Variants in BCAT1 observed in about 807,000 individuals in gnomAD.
The protein encoded by BCAT1 is branched chain amino acid transaminase 1, also known as branched-chain-amino-acid aminotransferase, cytosolic.
Under a neutral mutation model 52.4 loss-of-function variants are expected in BCAT1, and 48 were observed. That is an observed-to-expected ratio of 0.92 (90% CI 0.73 to 1.16). The LOEUF is 1.16. Among genes scored for constraint, BCAT1 ranks in the 50% most tolerant of loss-of-function variants. The pLI, the probability that BCAT1 is intolerant of heterozygous loss-of-function variation, is 0.00. For missense variants in BCAT1, 451 were observed against 457.1 expected, an observed-to-expected ratio of 0.99 and a Z score of 0.12; for synonymous variants, 167 against 161.3, an observed-to-expected ratio of 1.04 and a Z score of -0.27.
intron 3 of BCAT1, among the ~76,000 whole-genome samples, chr12:24,884,739 A>G (rs955467063): frequency 2.0e-5 from 3 of 152,240 alleles, no homozygotes; most frequent in Non-Finnish European, 2.9e-5. Context: ...CTAATACAAC[A>G]TGACTAAGTT....
chr12:24,853,992 TAA>T (rs1202463127), intron 5 of BCAT1, among the ~76,000 whole-genome samples: 2 of 152,176 alleles, frequency 1.3e-5, no homozygotes, highest in African/African-American at 4.8e-5. Context: ...TTTAAAAAAA[TAA>T]AGACTTTTTT....
intron 3 of BCAT1, among the ~76,000 whole-genome samples, chr12:24,885,439 G>C (rs1249697888): frequency 6.6e-6 from 1 of 152,044 alleles, no homozygotes; most frequent in African/African-American, 2.4e-5. Flanking sequence ...ATATTATAAA[G>C]ATGTTGATTT....
intron 2 of BCAT1, among the ~76,000 whole-genome samples, chr12:24,897,302 G>T (rs1029079458): frequency 2.0e-5 from 3 of 152,194 alleles, no homozygotes; most frequent in African/African-American, 4.8e-5. Context: ...AATCCAGAGA[G>T]ATCAAATTAG....
At chr12:24,858,993 T>C (rs1307823720) in intron 5 of BCAT1, among the ~76,000 whole-genome samples, 1 of 152,178 alleles carries the variant, frequency 6.6e-6, no homozygotes, top group South Asian at 2.1e-4. Flanking sequence ...AAATAGAACA[T>C]TGGAATAAAA....
intron 7 of BCAT1, among the ~76,000 whole-genome samples, chr12:24,840,575 C>T (rs967296964): frequency 1.2e-4 from 19 of 152,132 alleles, no homozygotes; most frequent in Admixed American, 1.0e-3. Flanking sequence ...TTTCATATGC[C>T]AAGGACTACC....
In BCAT1 at chr12:24,815,569, A is replaced by C. The variant is rs1939846484; in HGVS notation, c.*2439T>G. Reference sequence around the variant, plus strand: ...AATTAAACAAATAGTGCACAAGGAAAAAAGATGTGCAGATGTTCCTGTTAA... The same window carrying C: ...AATTAAACAAATAGTGCACAAGGAACAAAGATGTGCAGATGTTCCTGTTAA... On this transcript the variant is annotated 3_prime_UTR_variant, in exon 11 of 11. Coordinates refer to ENST00000261192, the MANE Select transcript of BCAT1 (RefSeq NM_005504.7). 6.6e-6 allele frequency: 1 copy of C among 152,506 alleles called. No individual in the cohort carries two copies. Among genetic ancestry groups the C allele is most frequent in the African/African-American group, 2.4e-5 (1 of 41,440 alleles). 9.4% of individuals were successfully genotyped at this position (152,506 alleles called of 1,614,324 possible). A position where few individuals can be genotyped will look rare whatever the true frequency, so the allele number is the denominator to read the frequency against.
intron 5 of BCAT1, among the ~76,000 whole-genome samples, chr12:24,869,733 C>T (rs1239434675): frequency 6.6e-6 from 1 of 152,118 alleles, no homozygotes; most frequent in Non-Finnish European, 1.5e-5. Context: ...TAACCTCCAA[C>T]GTGGTTGACT....
chr12:24,847,723 C>T (rs1267410311), intron 6 of BCAT1, among the ~76,000 whole-genome samples: 1 of 152,188 alleles, frequency 6.6e-6, no homozygotes, highest in Admixed American at 6.5e-5. Flanking sequence ...TAGCTCAGTG[C>T]TTCTCAAGCT....
At chr12:24,922,159 G>A (rs1943507802) in intron 1 of BCAT1, among the ~76,000 whole-genome samples, 1 of 152,146 alleles carries the variant, frequency 6.6e-6, no homozygotes, top group Admixed American at 6.5e-5. Context: ...ACACAAGATT[G>A]TTCCTTTTTT....
intron 4 of BCAT1, 87 bp from the exon 5 acceptor site, chr12:24,878,736 TA>T (rs1379379232): frequency 8.1e-7 from 1 of 1,236,076 alleles, no homozygotes; most frequent in Non-Finnish European, 1.1e-6. Context: ...TTTAAACTGT[TA>T]AAAAATTAAT....
intron 5 of BCAT1, among the ~76,000 whole-genome samples, chr12:24,863,560 T>A (rs1471528761): frequency 2.0e-5 from 3 of 152,216 alleles, no homozygotes; most frequent in Non-Finnish European, 4.4e-5. Context: ...GATTTTAGAA[T>A]GAATTATTTA....
At chr12:24,879,584 A>G (rs1162233095) in intron 4 of BCAT1, among the ~76,000 whole-genome samples, 1 of 152,196 alleles carries the variant, frequency 6.6e-6, no homozygotes, top group Non-Finnish European at 1.5e-5. Context: ...ATAATGTAGT[A>G]ATGTTATAGA....
chr12:24,891,351 G>A (rs1234667959), intron 3 of BCAT1, among the ~76,000 whole-genome samples: 1 of 152,082 alleles, frequency 6.6e-6, no homozygotes, highest in Non-Finnish European at 1.5e-5. Context: ...AGCATGCTAA[G>A]AGACACTCCC....
At chr12:24,887,994 C>G (rs1281362747) in intron 3 of BCAT1, among the ~76,000 whole-genome samples, 2 of 152,148 alleles carry the variant, frequency 1.3e-5, no homozygotes, top group Non-Finnish European at 2.9e-5. Context: ...GATATTACTC[C>G]TATTTAATTT....
At position 24,829,792 on chromosome 12, in the gene BCAT1, G is replaced by GAAAGA. The variant is rs3830305; in HGVS notation, c.1119+26_1119+30dup. On this transcript the variant is annotated intron_variant, in intron 10 of 10. Coordinates refer to ENST00000261192, the MANE Select transcript of BCAT1 (RefSeq NM_005504.7). ...TGACATAAAAAAAAGAAAAGAAAAG[G>GAAAGA]AAAGAAAAGAAAAGAAAAGAAAAGC... 5.7e-3 allele frequency: 8,300 copies of GAAAGA among 1,467,758 alleles called. 38 individuals carry two copies. Among genetic ancestry groups the GAAAGA allele is most frequent in the Middle Eastern group, 7.7e-3 (44 of 5,680 alleles). The allele number at this position is 1,467,758 out of a possible 1,614,324, so 90.9% of individuals were successfully genotyped here. A position where few individuals can be genotyped will look rare whatever the true frequency, so the allele number is the denominator to read the frequency against.
intron 5 of BCAT1, among the ~76,000 whole-genome samples, chr12:24,850,843 G>A (rs917103577): frequency 6.6e-6 from 1 of 152,170 alleles, no homozygotes; most frequent in Non-Finnish European, 1.5e-5. Context: ...CCCGAATTGA[G>A]AATGGTTCTT....
chr12:24,819,734 C>A (rs921711151), intron 10 of BCAT1, among the ~76,000 whole-genome samples: 1 of 152,142 alleles, frequency 6.6e-6, no homozygotes, highest in African/African-American at 2.4e-5. Flanking sequence ...AAAATACTGG[C>A]AGCCAAGAAT....
intron 4 of BCAT1, among the ~76,000 whole-genome samples, chr12:24,880,136 C>T (rs1337735211): frequency 1.3e-5 from 2 of 152,126 alleles, no homozygotes; most frequent in Non-Finnish European, 2.9e-5. Context: ...CCTCAGGCTT[C>T]CTGAATGCAT....
rs1939782634 is a variant in BCAT1 at position 24,813,960 on chromosome 12, A to G, written c.*4048T>C. The G allele has an allele frequency of 6.6e-6, 1 of 152,226 alleles. No individual in the cohort carries two copies. The highest frequency in any genetic ancestry group is 1.5e-5 in the Non-Finnish European group (1 of 67,964). The allele number at this position is 152,226 out of a possible 1,614,324, so 9.4% of individuals were successfully genotyped here. On this transcript the variant is annotated 3_prime_UTR_variant, in exon 11 of 11. Transcript: ENST00000261192. ...CTAATCTCTATTGTTGGTTATGTCA[A>G]CATTTATCAAATGAACTATTAATAG... is the stretch of plus-strand genomic sequence containing the variant.
Sources: gnomAD v4.1 joint callset for allele counts (sites outside exome capture counted in the v4.1 genomes callset) on GRCh38, gnomAD v4.1.1 for gene constraint, MANE v1.5 for transcripts, NCBI Gene and HGNC (gene_info 2026-07-23, HGNC 2026-07-21) for gene names.